Variants in MAP4K4 observed in about 807,000 individuals in gnomAD.
MAP4K4 encodes mitogen-activated protein kinase kinase kinase kinase 4.
MAP4K4 carries 38 observed loss-of-function variants against 189.6 expected under a neutral mutation model. The ratio of observed to expected loss-of-function variants is 0.20; its 90% CI spans 0.15 to 0.26. The LOEUF (loss-of-function observed/expected upper bound fraction) is 0.26. Among genes scored for constraint, MAP4K4 ranks in the 10% least tolerant of loss-of-function variants. The pLI, the probability that MAP4K4 is intolerant of heterozygous loss-of-function variation, is 1.00. For synonymous variants in MAP4K4, 610 were observed against 624.3 expected (o/e 0.98, Z 0.34); for missense variants, 1,054 against 1,726.9 (o/e 0.61, Z 6.91).
chr2:101,868,170 C>T (rs2149993249), intron 21 of MAP4K4, 133 bp downstream of exon 21: 4 of 954,856 alleles, frequency 4.2e-6, no homozygotes, highest in African/African-American at 1.6e-5. Context: ...TTAAAAACCT[C>T]AAACTTTACT....
chr2:101,748,829 A>G (rs1458607153), intron 2 of MAP4K4, among the ~76,000 whole-genome samples: 1 of 149,394 alleles, frequency 6.7e-6, no homozygotes, highest in Non-Finnish European at 1.5e-5. Context: ...TACAAAATCA[A>G]TGTACAAAAA....
At chr2:101,891,431 TC>T in exon 33 of MAP4K4, 1 of 558,602 alleles carries the variant, frequency 1.8e-6, no homozygotes, top group Non-Finnish European at 3.2e-6. Context: ...TTATCCCCAT[TC>T]TTTTTTTTTT....
rs2095621303 is a variant in MAP4K4 at position 101,814,771 on chromosome 2, TC to T, written c.181-9156del. Among the ~76,000 whole-genome samples, 3 of 152,222 alleles carry T rather than the reference TC, an allele frequency of 2.0e-5. No individual in the cohort carries two copies. In the South Asian group the frequency reaches 6.2e-4, roughly 32 times the overall value. On this transcript the variant is annotated intron_variant, in intron 3 of 32. Coordinates refer to ENST00000324219, the Ensembl canonical transcript of MAP4K4. ...TTGTTTTTATTTTATCTTCCTTTTT[TC>T]TACTCGTGTACTGTGGTGATTCATG...
chr2:101,836,309 C>T (rs1047357988), intron 9 of MAP4K4, among the ~76,000 whole-genome samples: 4 of 152,130 alleles, frequency 2.6e-5, no homozygotes, highest in African/African-American at 4.8e-5. Context: ...AGCGACCGGG[C>T]GCGGTGGCTC....
chr2:101,842,810 C>G lies in MAP4K4; in HGVS notation c.1022+129C>G, dbSNP rs6759140. 74 of 598,038 alleles carry G rather than the reference C, an allele frequency of 1.2e-4. No individual in the cohort carries two copies. In the African/African-American group the frequency reaches 1.3e-3, roughly 10 times the overall value. The allele number at this position is 598,038 out of a possible 1,614,324, so 37.0% of individuals were successfully genotyped here. A position where few individuals can be genotyped will look rare whatever the true frequency, so the allele number is the denominator to read the frequency against. On this transcript the variant is annotated intron_variant, in intron 11 of 32. Coordinates refer to ENST00000324219, the Ensembl canonical transcript of MAP4K4. ...TTACTTAGACAGCATCTTACTATCT[C>G]CATTCTTCTCTATTCTTGACAGATT...
At position 101,873,663 on chromosome 2, in the gene MAP4K4, G is replaced by A; in HGVS notation, c.2969G>A (p.Ser990Asn). ...ACATTGCAGACTCAGTCCGCTAGTAGCACACTCCAGAAACACAAATCTTCC... is the reference window on the plus strand; with the variant it reads ...ACATTGCAGACTCAGTCCGCTAGTAACACACTCCAGAAACACAAATCTTCC... Residue 990 changes from serine (S) to asparagine (N), a missense_variant, in exon 25 of 33, where the codon AGC becomes AAC. Ser to Asn is a conservative substitution (Grantham distance 46). This residue lies in a region of MAP4K4 where 646 missense variants were observed against 796.2 expected (regional missense o/e 0.81). Transcript: ENST00000324219. 2 of 1,604,710 alleles carry A rather than the reference G, an allele frequency of 1.2e-6. No homozygotes were observed. Among genetic ancestry groups the A allele is most frequent in the South Asian group, 2.2e-5 (2 of 90,808 alleles).
exon 23 of MAP4K4, chr2:101,870,321 A>G (rs752881262): frequency 1.5e-5 from 25 of 1,613,102 alleles, no homozygotes; most frequent in Non-Finnish European, 8.5e-7. Flanking sequence ...AGCAATGGTG[A>G]AACGGAATCT....
chr2:101,789,518 A>G (rs2092463033), intron 2 of MAP4K4, among the ~76,000 whole-genome samples: 1 of 152,168 alleles, frequency 6.6e-6, no homozygotes, highest in African/African-American at 2.4e-5. Context: ...ACAGTTACTC[A>G]GTGTCATAGT....
At chr2:101,760,278 C>G (rs1196525345) in intron 2 of MAP4K4, among the ~76,000 whole-genome samples, 2 of 151,770 alleles carry the variant, frequency 1.3e-5, no homozygotes, top group Admixed American at 6.6e-5. Flanking sequence ...ATCACGAGGT[C>G]AAGAGATTGA....
chr2:101,885,537 A>C lies in MAP4K4; in HGVS notation c.3621+250A>C, dbSNP rs2098468135. 2.6e-5 allele frequency among the ~76,000 whole-genome samples: 4 copies of C among 152,366 alleles called. No homozygotes were observed. The South Asian group carries it at 6.2e-4, about 24-fold the overall frequency. On this transcript the variant is annotated intron_variant, in intron 29 of 32. Transcript: ENST00000324219. ...CTTTAATCGATGTGGCAATGTGTTC[A>C]CAGAGGAAAAGAGAACAGTACTTCC...
intron 2 of MAP4K4, among the ~76,000 whole-genome samples, chr2:101,785,755 T>TCTCTCTCC (rs2090737515): frequency 1.5e-4 from 1 of 6,620 alleles, no homozygotes; most frequent in Admixed American, 1.2e-3. Flanking sequence ...TCTCTCTCTC[T>TCTCTCTCC]CTCTCTCTCT....
At chr2:101,759,947 G>T (rs1255941674) in intron 2 of MAP4K4, among the ~76,000 whole-genome samples, 1 of 151,602 alleles carries the variant, frequency 6.6e-6, no homozygotes, top group Non-Finnish European at 1.5e-5. Context: ...GGGCCCAAGT[G>T]ATTCTCCTAC....
At chr2:101,805,831 G>T (rs540324127) in intron 3 of MAP4K4, among the ~76,000 whole-genome samples, 1 of 152,298 alleles carries the variant, frequency 6.6e-6, no homozygotes, top group South Asian at 2.1e-4. Flanking sequence ...CTTCTGCAAA[G>T]AATTTGTGCA....
chr2:101,800,587 A>G (rs527702266), intron 3 of MAP4K4, among the ~76,000 whole-genome samples: 60 of 152,356 alleles, frequency 3.9e-4, no homozygotes, highest in African/African-American at 1.3e-3. Context: ...GAAAAGTATC[A>G]TATTCATTCT....
At chr2:101,777,352 A>G (rs1426154066) in intron 2 of MAP4K4, among the ~76,000 whole-genome samples, 14 of 152,122 alleles carry the variant, frequency 9.2e-5, no homozygotes, top group Non-Finnish European at 1.6e-4. Flanking sequence ...TGTGTCTGCT[A>G]TTGACAAGAA....
chr2:101,829,422 C>T, intron 5 of MAP4K4, 82 bp from the exon 6 acceptor site: 1 of 883,354 alleles, frequency 1.1e-6, no homozygotes, highest in South Asian at 1.5e-5. Context: ...TCCACATGTG[C>T]ACTTTCTTAT....
chr2:101,859,856 G>A, exon 15 of MAP4K4: 4 of 1,600,648 alleles, frequency 2.5e-6, no homozygotes, highest in Non-Finnish European at 3.4e-6. Flanking sequence ...TGCTGACCGA[G>A]CGCGAGAGGT....
At chr2:101,812,586 C>T (rs1176202139) in intron 3 of MAP4K4, among the ~76,000 whole-genome samples, 1 of 151,748 alleles carries the variant, frequency 6.6e-6, no homozygotes, top group Non-Finnish European at 1.5e-5. Context: ...TAGTAGACTG[C>T]CTTAAAGTTC....
chr2:101,825,230 C>G, intron 4 of MAP4K4, 89 bp from the exon 5 acceptor site: 1 of 701,304 alleles, frequency 1.4e-6, no homozygotes, highest in Non-Finnish European at 2.4e-6. Context: ...GTTTCTAGGT[C>G]TTTAGAAAAG....
Sources: gnomAD v4.1 joint callset for allele counts (sites outside exome capture counted in the v4.1 genomes callset) on GRCh38, gnomAD v4.1.1 for gene constraint, gnomAD v4.1.1 regional missense constraint, MANE v1.5 for transcripts, NCBI Gene and HGNC (gene_info 2026-07-23, HGNC 2026-07-21) for gene names.